PTPRD: variants seen among roughly 807,000 people sequenced by gnomAD.
PTPRD encodes the protein receptor-type tyrosine-protein phosphatase delta.
PTPRD carries 34 observed loss-of-function variants against 214.5 expected under a neutral mutation model. The ratio of observed to expected loss-of-function variants is 0.16; its 90% CI spans 0.12 to 0.21. The LOEUF (loss-of-function observed/expected upper bound fraction) is 0.21, where lower values mean the gene tolerates loss of function less well. Ranked by LOEUF, PTPRD falls within the 10% of genes least tolerant of loss-of-function variation. The probability of loss-of-function intolerance (pLI) is 1.00; values close to 1 mark genes in which losing one functional copy is unlikely to be tolerated. For missense variants in PTPRD, 2,545 were observed against 2,398.7 expected, an observed-to-expected ratio of 1.06 and a Z score of -1.27; for synonymous variants, 1,128 against 845.7, an observed-to-expected ratio of 1.33 and a Z score of -5.79.
In PTPRD at chr9:8,331,293, T is replaced by C. The variant is rs114827099; in HGVS notation, c.5534+289A>G. Among the ~76,000 whole-genome samples the C allele has an allele frequency of 8.6e-3, 1,314 of 152,252 alleles. 18 individuals are homozygous for C. Among genetic ancestry groups the C allele is most frequent in the African/African-American group, 0.029 (1,196 of 41,552 alleles). ...GAAATGATTAACAACGAATTATTAC[T>C]AGGGGAGGTACCAACAATTCCCATT... is the stretch of plus-strand genomic sequence containing the variant. On this transcript the variant is annotated intron_variant, in intron 44 of 45. Coordinates refer to ENST00000381196, the MANE Select transcript of PTPRD (RefSeq NM_002839.4).
chr9:9,906,196 T>G (rs1252779150), intron 5 of PTPRD, among the ~76,000 whole-genome samples: 1 of 151,910 alleles, frequency 6.6e-6, no homozygotes, highest in Non-Finnish European at 1.5e-5. Context: ...GAGGAGAATC[T>G]TTTAAAGTAC....
chr9:9,195,309 G>C (rs1260632431), intron 9 of PTPRD, among the ~76,000 whole-genome samples: 1 of 151,886 alleles, frequency 6.6e-6, no homozygotes, highest in Non-Finnish European at 1.5e-5. Flanking sequence ...ACATATGTTT[G>C]GAAAATAAAT....
chr9:10,501,056 G>A (rs1317490513), intron 2 of PTPRD, among the ~76,000 whole-genome samples: 1 of 151,940 alleles, frequency 6.6e-6, no homozygotes, highest in African/African-American at 2.4e-5. Context: ...TATATGCCCA[G>A]CAGTGGGGTT....
chr9:9,883,810 T>C (rs917158155), intron 5 of PTPRD, among the ~76,000 whole-genome samples: 5 of 152,122 alleles, frequency 3.3e-5, no homozygotes, highest in Admixed American at 2.6e-4. Flanking sequence ...GGCAAACTTT[T>C]CAATACCCAA....
chr9:9,582,988 A>G (rs868585987), intron 7 of PTPRD, among the ~76,000 whole-genome samples: 17 of 152,082 alleles, frequency 1.1e-4, no homozygotes, highest in African/African-American at 4.1e-4. Context: ...TTGTTACCAC[A>G]TAACAAAATA....
intron 39 of PTPRD, among the ~76,000 whole-genome samples, chr9:8,369,476 A>T (rs778448486): frequency 5.3e-5 from 8 of 151,274 alleles, no homozygotes; most frequent in Non-Finnish European, 1.2e-4. Flanking sequence ...TTACTGGGCC[A>T]TTTTAGTGGC....
At chr9:8,558,557 T>A (rs2084898588) in intron 14 of PTPRD, among the ~76,000 whole-genome samples, 1 of 152,204 alleles carries the variant, frequency 6.6e-6, no homozygotes, top group South Asian at 2.1e-4. Context: ...AACAGCCTTT[T>A]CACATGTGTC....
At chr9:9,601,484 T>C (rs1345447103) in intron 7 of PTPRD, among the ~76,000 whole-genome samples, 2 of 152,112 alleles carry the variant, frequency 1.3e-5, no homozygotes, top group Admixed American at 6.6e-5. Flanking sequence ...AGCCAGATCA[T>C]AGATAGAGTC....
chr9:10,597,948 T>C (rs777415987), intron 2 of PTPRD, among the ~76,000 whole-genome samples: 1 of 151,832 alleles, frequency 6.6e-6, no homozygotes, highest in Non-Finnish European at 1.5e-5. Context: ...AAAAACTCTT[T>C]GCTGGGAAAG....
chr9:8,783,504 C>T (rs1278285950), intron 11 of PTPRD, among the ~76,000 whole-genome samples: 3 of 152,160 alleles, frequency 2.0e-5, no homozygotes, highest in Non-Finnish European at 4.4e-5. Context: ...AATACTATTA[C>T]TTGACACCGT....
At chr9:9,009,174 T>C (rs1416838748) in intron 11 of PTPRD, among the ~76,000 whole-genome samples, 1 of 152,138 alleles carries the variant, frequency 6.6e-6, no homozygotes, top group Non-Finnish European at 1.5e-5. Context: ...TCTATCTCAA[T>C]ATTTTGTTTG....
At chr9:8,662,858 T>G (rs1016515510) in intron 12 of PTPRD, among the ~76,000 whole-genome samples, 5 of 152,226 alleles carry the variant, frequency 3.3e-5, no homozygotes, top group Admixed American at 6.5e-5. Context: ...TTTACCTTTT[T>G]ATGATGATTA....
At chr9:10,505,928 G>A (rs1156804737) in intron 2 of PTPRD, among the ~76,000 whole-genome samples, 1 of 152,076 alleles carries the variant, frequency 6.6e-6, no homozygotes, top group African/African-American at 2.4e-5. Context: ...AGTAGAAGGT[G>A]TATGAAAAGA....
rs535632306 is a variant in PTPRD at position 10,483,321 on chromosome 9, C to G, written c.-600+129077G>C. 2.5e-3 allele frequency among the ~76,000 whole-genome samples: 377 copies of G among 152,024 alleles called. 3 individuals are homozygous for G. Among genetic ancestry groups the G allele is most frequent in the African/African-American group, 8.5e-3 (351 of 41,490 alleles). ...AAGACTTAAATCTAACCCCTAACAC[C>G]ATAAATTCTAAATAAAAACCTAGGA... On this transcript the variant is annotated intron_variant, in intron 2 of 45. Transcript: ENST00000381196.
intron 12 of PTPRD, among the ~76,000 whole-genome samples, chr9:8,719,408 A>C (rs1022129750): frequency 6.6e-6 from 1 of 152,196 alleles, no homozygotes; most frequent in Non-Finnish European, 1.5e-5. Flanking sequence ...CATTACTAAC[A>C]AAGCAAAGTG....
At chr9:8,503,512 T>C (rs1017201737) in intron 23 of PTPRD, among the ~76,000 whole-genome samples, 1 of 152,150 alleles carries the variant, frequency 6.6e-6, no homozygotes. Context: ...GCCACCAAAC[T>C]TTCCACCAAA....
intron 3 of PTPRD, among the ~76,000 whole-genome samples, chr9:10,045,978 G>C (rs962164446): frequency 6.6e-6 from 1 of 151,558 alleles, no homozygotes. Flanking sequence ...GGTCCTTTTT[G>C]TTTCTAAATC....
At chr9:9,662,871 G>C (rs1463070358) in intron 7 of PTPRD, among the ~76,000 whole-genome samples, 3 of 151,490 alleles carry the variant, frequency 2.0e-5, no homozygotes, top group Admixed American at 2.0e-4. Context: ...TTGATTCCCT[G>C]ATAGATTGTA....
In PTPRD at chr9:8,918,876, T is replaced by A. The variant is rs554105694; in HGVS notation, c.-104+99821A>T. On this transcript the variant is annotated intron_variant, in intron 11 of 45. Coordinates refer to ENST00000381196, the MANE Select transcript of PTPRD (RefSeq NM_002839.4). ...CGGGCTAATTTCTATCTAGTACAAG[T>A]CATATTTGTTGCTTTTTGTTTGCTT... is the stretch of plus-strand genomic sequence containing the variant. Among the ~76,000 whole-genome samples the A allele has an allele frequency of 2.6e-4, 40 of 152,242 alleles. 1 individual carries two copies. Among genetic ancestry groups the A allele is most frequent in the Admixed American group, 4.6e-4 (7 of 15,284 alleles).
Sources: allele counts gnomAD v4.1 joint callset (sites outside exome capture counted in the v4.1 genomes callset), GRCh38; gene constraint gnomAD v4.1.1; transcripts MANE v1.5; gene names NCBI Gene and HGNC (gene_info 2026-07-23, HGNC 2026-07-21).